The following THSD7B variants were observed in gnomAD, a reference collection of about 807,000 sequenced individuals.
THSD7B encodes thrombospondin type 1 domain containing 7B, also known as thrombospondin type-1 domain-containing protein 7B.
In THSD7B, 138 loss-of-function variants were observed where a neutral mutation model predicts 213.6. That is an observed-to-expected ratio of 0.65 (90% confidence interval 0.56 to 0.74). The LOEUF (loss-of-function observed/expected upper bound fraction) is 0.74. THSD7B is among the 30% of genes least tolerant of loss of function. The probability of loss-of-function intolerance (pLI) is 0.00; values close to 1 mark genes in which losing one functional copy is unlikely to be tolerated. For synonymous variants in THSD7B, 742 were observed against 687.0 expected (o/e 1.08, Z -1.25); for missense variants, 1,931 against 1,991.5 (o/e 0.97, Z 0.58).
chr2:136,815,879 A>G (rs1682462174), intron 1 of THSD7B, among the ~76,000 whole-genome samples: 1 of 151,912 alleles, frequency 6.6e-6, no homozygotes, highest in Non-Finnish European at 1.5e-5. Flanking sequence ...GGATGTCAGA[A>G]TTTTTTATTT....
At chr2:137,212,227 G>C (rs1558960391) in intron 7 of THSD7B, among the ~76,000 whole-genome samples, 1 of 151,870 alleles carries the variant, frequency 6.6e-6, no homozygotes. Flanking sequence ...CTTTTTGTTT[G>C]TTTTTGGCAG....
At chr2:137,589,893 T>A (rs1413324810) in intron 17 of THSD7B, among the ~76,000 whole-genome samples, 1 of 152,204 alleles carries the variant, frequency 6.6e-6, no homozygotes, top group Non-Finnish European at 1.5e-5. Context: ...TAGATTGAGA[T>A]CATTTATGAT....
chr2:137,559,576 A>G (rs1412315165), intron 15 of THSD7B, among the ~76,000 whole-genome samples: 1 of 152,204 alleles, frequency 6.6e-6, no homozygotes, highest in African/African-American at 2.4e-5. Flanking sequence ...GGATGGACTA[A>G]TGACTTAAAT....
intron 7 of THSD7B, among the ~76,000 whole-genome samples, chr2:137,173,412 A>G (rs1680302118): frequency 6.6e-6 from 1 of 152,150 alleles, no homozygotes; most frequent in Non-Finnish European, 1.5e-5. Flanking sequence ...TTGTCATGAT[A>G]TCTCTGTCCA....
intron 6 of THSD7B, among the ~76,000 whole-genome samples, chr2:137,164,607 A>G (rs1294735318): frequency 2.0e-5 from 3 of 152,212 alleles, no homozygotes; most frequent in African/African-American, 7.2e-5. Flanking sequence ...ACTACTCACA[A>G]TAGCAAATAC....
intron 1 of THSD7B, among the ~76,000 whole-genome samples, chr2:136,773,216 A>G (rs986136468): frequency 6.6e-5 from 10 of 152,122 alleles, no homozygotes; most frequent in African/African-American, 2.4e-4. Flanking sequence ...TATTGAACAT[A>G]TACTGTGTGC....
chr2:137,614,358 A>C (rs934654998), intron 17 of THSD7B, among the ~76,000 whole-genome samples: 1 of 152,118 alleles, frequency 6.6e-6, no homozygotes, highest in Non-Finnish European at 1.5e-5. Context: ...TCAAGGTTAC[A>C]TAGTAATTTG....
At chr2:137,203,174 G>A (rs1188388539) in intron 7 of THSD7B, among the ~76,000 whole-genome samples, 2 of 151,888 alleles carry the variant, frequency 1.3e-5, no homozygotes, top group Non-Finnish European at 2.9e-5. Flanking sequence ...TCTCTCATTT[G>A]TTTCCCTAAA....
At chr2:137,272,458 T>A in intron 10 of THSD7B, 75 bp from the exon 11 acceptor site, 1 of 1,436,272 alleles carries the variant, frequency 7.0e-7, no homozygotes. Flanking sequence ...TCTCTTTTTT[T>A]TCAATTGCTA....
chr2:136,908,906 C>T lies in THSD7B; in HGVS notation c.139+26589C>T, dbSNP rs146426069. Among the ~76,000 whole-genome samples the T allele has an allele frequency of 6.2e-3, 938 of 152,066 alleles. 15 individuals carry two copies. The highest frequency in any genetic ancestry group is 6.2e-3 in the Non-Finnish European group (419 of 67,940). ...AAAAGTGGGCCTATCCTAGTCTGGGCGCGGTGGCTAACACCTGTAATCCCA... is the reference window on the plus strand; with the variant it reads ...AAAAGTGGGCCTATCCTAGTCTGGGTGCGGTGGCTAACACCTGTAATCCCA... On this transcript the variant is annotated intron_variant, in intron 2 of 27. Transcript: ENST00000409968.
chr2:137,496,928 T>C (rs891038454), intron 15 of THSD7B, among the ~76,000 whole-genome samples: 1 of 152,152 alleles, frequency 6.6e-6, no homozygotes, highest in African/African-American at 2.4e-5. Flanking sequence ...ATCTAGTTCG[T>C]GTAGTCTGCT....
chr2:137,653,904 T>G (rs114034062), intron 21 of THSD7B, among the ~76,000 whole-genome samples: 5 of 152,060 alleles, frequency 3.3e-5, no homozygotes, highest in African/African-American at 9.7e-5. Context: ...TCCATGTTGT[T>G]AGGATCACAC....
chr2:137,142,993 T>A (rs1679620949), intron 5 of THSD7B, among the ~76,000 whole-genome samples: 1 of 152,138 alleles, frequency 6.6e-6, no homozygotes, highest in African/African-American at 2.4e-5. Context: ...TATCCTTGAA[T>A]GGTTTTGGGA....
chr2:137,140,192 G>T (rs1679553884), intron 5 of THSD7B, among the ~76,000 whole-genome samples: 1 of 152,052 alleles, frequency 6.6e-6, no homozygotes, highest in Admixed American at 6.6e-5. Flanking sequence ...TGTACATGCA[G>T]AATATTTTTT....
At chr2:136,843,301 T>C (rs1198884231) in intron 1 of THSD7B, among the ~76,000 whole-genome samples, 1 of 152,202 alleles carries the variant, frequency 6.6e-6, no homozygotes, top group Non-Finnish European at 1.5e-5. Context: ...ACATTACATT[T>C]CTTACACTTC....
At chr2:136,824,675 G>A (rs1452603636) in intron 1 of THSD7B, among the ~76,000 whole-genome samples, 1 of 152,138 alleles carries the variant, frequency 6.6e-6, no homozygotes, top group Non-Finnish European at 1.5e-5. Context: ...TTAATACATG[G>A]AGTGTCTTCT....
intron 15 of THSD7B, among the ~76,000 whole-genome samples, chr2:137,552,199 G>A (rs1353724155): frequency 1.3e-5 from 2 of 151,932 alleles, no homozygotes; most frequent in Non-Finnish European, 2.9e-5. Flanking sequence ...TTGCTTTTGT[G>A]GCTTTTTTTT....
chr2:137,366,268 C>T (rs895025204), intron 12 of THSD7B, among the ~76,000 whole-genome samples: 10 of 152,008 alleles, frequency 6.6e-5, no homozygotes, highest in African/African-American at 2.4e-4. Flanking sequence ...GATGGGATAG[C>T]ATTGGGAGAA....
At chr2:137,089,399 T>C (rs1687909373) in intron 3 of THSD7B, among the ~76,000 whole-genome samples, 1 of 149,672 alleles carries the variant, frequency 6.7e-6, no homozygotes, top group East Asian at 2.0e-4. Context: ...TATATGTATA[T>C]ATACATATAC....
Sources: gnomAD v4.1 joint callset for allele counts (sites outside exome capture counted in the v4.1 genomes callset) on GRCh38, gnomAD v4.1.1 for gene constraint, MANE v1.5 for transcripts, NCBI Gene and HGNC (gene_info 2026-07-23, HGNC 2026-07-21) for gene names.